VSIG10: variants seen among roughly 807,000 people sequenced by gnomAD.
The protein encoded by VSIG10 is V-set and immunoglobulin domain containing 10.
Under a neutral mutation model 58.7 loss-of-function variants are expected in VSIG10, and 48 were observed. The observed-to-expected ratio is 0.82, with a 90% CI of 0.65 to 1.04. The LOEUF is 1.04. Among genes scored for constraint, VSIG10 ranks in the 50% least tolerant of loss-of-function variants. The pLI, the probability that VSIG10 is intolerant of heterozygous loss-of-function variation, is 0.00. For missense variants in VSIG10, 628 were observed against 670.0 expected (o/e 0.94, Z 0.69); for synonymous variants, 260 against 267.1 (o/e 0.97, Z 0.26).
intron 1 of VSIG10, chr12:118,102,110 G>C (rs993704908): frequency 6.6e-6 from 1 of 152,288 alleles, no homozygotes; most frequent in African/African-American, 2.4e-5. Context: ...AGCCTGGCTC[G>C]AAAAAAATAG....
rs1239876545 is a variant in VSIG10 at position 118,103,884 on chromosome 12, C to G, written c.-213G>C. 4.6e-6 allele frequency: 2 copies of G among 437,944 alleles called. No individual in the cohort carries two copies. The highest frequency in any genetic ancestry group is 7.9e-6 in the Non-Finnish European group (2 of 252,366). The allele number at this position is 437,944 out of a possible 1,614,324, so 27.1% of individuals were successfully genotyped here. ...GGCTGCAGGCTCGGGTCCCCGCTCC[C>G]GAGCGCCCTGGCCGGGGAGGGAGGG... On this transcript the variant is annotated 5_prime_UTR_variant, in exon 1 of 9. Transcript: ENST00000359236.
At chr12:118,080,175 T>C (rs1379960182) in intron 3 of VSIG10, among the ~76,000 whole-genome samples, 1 of 151,954 alleles carries the variant, frequency 6.6e-6, no homozygotes, top group African/African-American at 2.4e-5. Flanking sequence ...TTCTTTTTTT[T>C]TTTTAATAGA....
At chr12:118,070,331 T>C (rs1250032386) in intron 7 of VSIG10, among the ~76,000 whole-genome samples, 1 of 152,016 alleles carries the variant, frequency 6.6e-6, no homozygotes, top group African/African-American at 2.4e-5. Context: ...GCAGACCACT[T>C]GAGGCCAGGA....
chr12:118,092,384 A>G (rs1448600399), intron 2 of VSIG10, among the ~76,000 whole-genome samples: 1 of 151,966 alleles, frequency 6.6e-6, no homozygotes, highest in Non-Finnish European at 1.5e-5. Flanking sequence ...TATGTCTACT[A>G]AACTACATGC....
intron 2 of VSIG10, among the ~76,000 whole-genome samples, chr12:118,089,419 A>AC (rs2033228999): frequency 6.6e-6 from 1 of 152,228 alleles, no homozygotes; most frequent in African/African-American, 2.4e-5. Context: ...GAGTGATGAT[A>AC]AAGAAACAAA....
chr12:118,093,992 T>C (rs554890171), intron 2 of VSIG10, among the ~76,000 whole-genome samples: 9 of 152,238 alleles, frequency 5.9e-5, no homozygotes, highest in African/African-American at 2.2e-4. Context: ...TTATCCCCCA[T>C]TAACAAATGA....
chr12:118,096,597 A>G (rs1002964489), intron 1 of VSIG10, among the ~76,000 whole-genome samples: 2 of 129,270 alleles, frequency 1.5e-5, no homozygotes, highest in African/African-American at 5.7e-5. Context: ...AAAAAAAAGC[A>G]CAAAAAATTA....
chr12:118,103,859 G>A lies in VSIG10; in HGVS notation c.-188C>T, dbSNP rs1028710508. On this transcript the variant is annotated 5_prime_UTR_variant, in exon 1 of 9. Coordinates refer to ENST00000359236, the MANE Select transcript of VSIG10 (RefSeq NM_019086.6). ...GTGTCCAGGGCCGGCAGCGGAGCTC[G>A]GCTGCAGGCTCGGGTCCCCGCTCCC... 1.0e-5 allele frequency: 5 copies of A among 497,524 alleles called. No homozygotes were observed. Among genetic ancestry groups the A allele is most frequent in the South Asian group, 9.5e-5 (2 of 21,014 alleles). The allele number at this position is 497,524 out of a possible 1,614,324, so 30.8% of individuals were successfully genotyped here.
In VSIG10 at chr12:118,073,804, G is replaced by A; in HGVS notation, c.1114C>T (p.Leu372Phe). The stretch of plus-strand genomic sequence containing the variant: ...TCCTGGGAGCAGTTGTGGATAGTGA[G>A]GGTGGAGTTCTGGCCATCCTGGGTA... The part of the protein sequence containing the change: ...LITQDGQNST[L>F]TIHNCSQDLD... Residue 372 changes from leucine (L) to phenylalanine (F), a missense_variant, in exon 5 of 9, where the codon CTC becomes TTC. By Grantham distance (22) the Leu-to-Phe change is conservative. Transcript: ENST00000359236. 1 of 1,614,028 alleles carries A rather than the reference G, an allele frequency of 6.2e-7. No homozygotes were observed. The highest frequency in any genetic ancestry group is 8.5e-7 in the Non-Finnish European group (1 of 1,179,898).
intron 2 of VSIG10, among the ~76,000 whole-genome samples, chr12:118,091,279 T>G (rs1291094700): frequency 6.6e-6 from 1 of 151,960 alleles, no homozygotes; most frequent in Non-Finnish European, 1.5e-5. Flanking sequence ...GATCACGAGG[T>G]CAGGAGATCG....
chr12:118,094,903 A>ATT (rs749324895), intron 2 of VSIG10, among the ~76,000 whole-genome samples: 1 of 124,876 alleles, frequency 8.0e-6, no homozygotes. Flanking sequence ...TGCCTGGCGA[A>ATT]TTTTTTTTTT....
At chr12:118,074,368 G>A (rs2032627016) in intron 4 of VSIG10, among the ~76,000 whole-genome samples, 1 of 152,190 alleles carries the variant, frequency 6.6e-6, no homozygotes, top group South Asian at 2.1e-4. Context: ...ACAGGCGTGA[G>A]CCACCGCATC....
chr12:118,092,716 C>T (rs906869618), intron 2 of VSIG10, among the ~76,000 whole-genome samples: 1 of 149,964 alleles, frequency 6.7e-6, no homozygotes, highest in Admixed American at 6.7e-5. Flanking sequence ...TTCACTGCAG[C>T]CTCGACCTCC....
chr12:118,099,958 G>A (rs1022880287), intron 1 of VSIG10, among the ~76,000 whole-genome samples: 5 of 152,094 alleles, frequency 3.3e-5, no homozygotes, highest in Non-Finnish European at 5.9e-5. Flanking sequence ...GAAAACAAAC[G>A]AACAAACAAA....
chr12:118,073,965 A>G lies in VSIG10; in HGVS notation c.953T>C (p.Met318Thr), dbSNP rs1460302839. Residue 318 changes from methionine (M) to threonine (T), a missense_variant, in exon 5 of 9, where the codon ATG (methionine) becomes ACG (threonine). Coordinates refer to ENST00000359236, the MANE Select transcript of VSIG10 (RefSeq NM_019086.6). ...ATTGCCCCCAGTGAAGCAAGTCTTC[A>G]TGGGCTCAGAGAGAAGGGAGGGACC... is the stretch of plus-strand genomic sequence containing the variant. ...IRGPSLLSEPMKTCFTGGNVT... is the reference protein window; with the variant it reads ...IRGPSLLSEPTKTCFTGGNVT... The G allele has an allele frequency of 6.3e-7, 1 of 1,591,872 alleles. No homozygotes were observed. Among genetic ancestry groups the G allele is most frequent in the Non-Finnish European group, 8.6e-7 (1 of 1,167,306 alleles).
At chr12:118,078,708 G>C (rs951880297) in intron 4 of VSIG10, among the ~76,000 whole-genome samples, 1 of 151,794 alleles carries the variant, frequency 6.6e-6, no homozygotes, top group African/African-American at 2.4e-5. Flanking sequence ...TTAGGAGGCC[G>C]AGGCAGGTAG....
chr12:118,082,360 G>A lies in VSIG10; in HGVS notation c.431C>T (p.Ala144Val). 6.2e-7 allele frequency: 1 copy of A among 1,613,970 alleles called. No individual in the cohort carries two copies. The highest frequency in any genetic ancestry group is 1.1e-5 in the South Asian group (1 of 91,078). ...GCTGAAGTCCACCTGGGAGCCCCTG[G>A]CTGCGTAGAGGGTGCCGTTGGGGAG... ...GTLPNGTLYA[A>V]RGSQVDFSCN... Residue 144 changes from alanine to valine, a missense_variant, in exon 3 of 9, where the codon GCC becomes GTC. Coordinates refer to ENST00000359236, the MANE Select transcript of VSIG10 (RefSeq NM_019086.6).
At chr12:118,099,049 T>G (rs968131681) in intron 1 of VSIG10, among the ~76,000 whole-genome samples, 4 of 151,128 alleles carry the variant, frequency 2.6e-5, no homozygotes, top group Middle Eastern at 3.2e-3. Context: ...CCAGCATCTG[T>G]GTGTTAGCGA....
chr12:118,077,126 G>A (rs573371300), intron 4 of VSIG10, among the ~76,000 whole-genome samples: 1 of 152,232 alleles, frequency 6.6e-6, no homozygotes, highest in Non-Finnish European at 1.5e-5. Context: ...GGACACAACT[G>A]AACCCCCAAC....
Sources: gnomAD v4.1 joint callset for allele counts (sites outside exome capture counted in the v4.1 genomes callset) on GRCh38, gnomAD v4.1.1 for gene constraint, MANE v1.5 for transcripts, NCBI Gene and HGNC (gene_info 2026-07-23, HGNC 2026-07-21) for gene names.